The following ZNF69 variants were observed in gnomAD, a reference collection of about 807,000 sequenced individuals.
The protein encoded by ZNF69 is zinc finger protein 69, also known as ZNF3.
In ZNF69, 47 loss-of-function variants were observed where a neutral mutation model predicts 50.9. That is an observed-to-expected ratio of 0.92 (90% CI 0.73 to 1.18). ZNF69 has a LOEUF of 1.18. Ranked by LOEUF, ZNF69 falls within the 50% of genes most tolerant of loss-of-function variation. The pLI, the probability that ZNF69 is intolerant of heterozygous loss-of-function variation, is 0.00. For synonymous variants in ZNF69, 216 were observed against 223.1 expected, an observed-to-expected ratio of 0.97 and a Z score of 0.29; for missense variants, 717 against 675.1, an observed-to-expected ratio of 1.06 and a Z score of -0.69.
chr19:11,968,539 G>A, the ZNF69 span, among the ~76,000 whole-genome samples: 7 of 152,190 alleles, frequency 4.6e-5, no homozygotes, highest in Non-Finnish European at 1.5e-5. Context: ...AATGCATGTG[G>A]ATAACAACTT....
At chr19:11,950,294 G>A in the ZNF69 span, 2 of 1,572,480 alleles carry the variant, frequency 1.3e-6, no homozygotes, top group Non-Finnish European at 1.7e-6. Context: ...CACACTGGAA[G>A]GAAGCACTAT....
At chr19:11,932,312 C>G in the ZNF69 span, among the ~76,000 whole-genome samples, 1 of 147,002 alleles carries the variant, frequency 6.8e-6, no homozygotes, top group Non-Finnish European at 1.5e-5. Flanking sequence ...CCACTACACT[C>G]CAGCCTGGGT....
chr19:11,958,131 A>T, the ZNF69 span, among the ~76,000 whole-genome samples: 5 of 152,034 alleles, frequency 3.3e-5, no homozygotes, highest in African/African-American at 1.2e-4. Context: ...TTGCCCACCC[A>T]CCCCCATCTC....
the ZNF69 span, among the ~76,000 whole-genome samples, chr19:11,967,703 C>T: frequency 2.6e-5 from 4 of 152,192 alleles, no homozygotes; most frequent in South Asian, 6.2e-4. Flanking sequence ...ATGTCCGGCC[C>T]CTGTCTCTAT....
At chr19:11,917,545 G>T (rs1189306830), downstream of ZNF69, among the ~76,000 whole-genome samples, 2 of 152,212 alleles carry the variant, frequency 1.3e-5, no homozygotes, top group South Asian at 2.1e-4. Context: ...GGTGAGGCAG[G>T]CTGCCTACCT....
Position 11,905,405 on chromosome 19 carries a change from G to A in ZNF69, c.1008G>A (p.Gln336=), listed in dbSNP as rs764249503. ...GGAAAAAACCCTATGAATGTACGCAGTGTGGGAAAGCATTATCCTCTCTTA... is the reference window on the plus strand; with the variant it reads ...GGAAAAAACCCTATGAATGTACGCAATGTGGGAAAGCATTATCCTCTCTTA... ...HSRKKPYECT[Q]CGKALSSLTS... Residue 336 remains glutamine (Q), a synonymous_variant, in exon 4 of 4, where the codon CAG becomes CAA. Coordinates refer to ENST00000429654, the MANE Select transcript of ZNF69 (RefSeq NM_001364730.1). The A allele has an allele frequency of 1.2e-6, 2 of 1,614,178 alleles. No individual in the cohort carries two copies. The highest frequency in any genetic ancestry group is 2.2e-5 in the East Asian group (1 of 44,884).
the ZNF69 span, among the ~76,000 whole-genome samples, chr19:11,969,424 G>C: frequency 6.6e-6 from 1 of 152,118 alleles, no homozygotes; most frequent in Non-Finnish European, 1.5e-5. Flanking sequence ...TGTTCACACA[G>C]CCTATATAGG....
chr19:11,904,628 T>A, intron 3 of ZNF69, 21 bp from the exon 4 acceptor site: 6 of 1,605,178 alleles, frequency 3.7e-6, no homozygotes, highest in Non-Finnish European at 5.1e-6. Flanking sequence ...CCCTTTGTAA[T>A]GTGCTTCTCA....
the ZNF69 span, among the ~76,000 whole-genome samples, chr19:11,959,048 C>T: frequency 7.2e-4 from 110 of 152,152 alleles, no homozygotes; most frequent in Non-Finnish European, 4.1e-4. Context: ...ACACCTTGCT[C>T]ATTTTTGTGT....
chr19:11,949,769 A>G, the ZNF69 span: 3 of 1,614,096 alleles, frequency 1.9e-6, no homozygotes, highest in East Asian at 2.2e-5. Flanking sequence ...CTTCGAATGC[A>G]TGAAAGGACT....
At chr19:11,949,515 A>G in the ZNF69 span, 1 of 1,610,502 alleles carries the variant, frequency 6.2e-7, no homozygotes, top group Non-Finnish European at 8.5e-7. Context: ...GGACAGAAAA[A>G]CACATAAGAA....
At chr19:11,919,690 C>T in the ZNF69 span, among the ~76,000 whole-genome samples, 1 of 152,096 alleles carries the variant, frequency 6.6e-6, no homozygotes, top group African/African-American at 2.4e-5. Context: ...GGAGGGCTCT[C>T]ACAATGGGAT....
the ZNF69 span, chr19:11,977,281 A>G: frequency 6.2e-7 from 1 of 1,604,154 alleles, no homozygotes; most frequent in Non-Finnish European, 8.5e-7. Flanking sequence ...TAAATGAGGC[A>G]TGGCTGCAGT....
the ZNF69 span, among the ~76,000 whole-genome samples, chr19:11,929,363 C>A: frequency 6.8e-6 from 1 of 148,008 alleles, no homozygotes; most frequent in African/African-American, 2.6e-5. Context: ...AGGGTTTTAC[C>A]ACACTGGCCA....
At position 11,887,946 on chromosome 19, in the gene ZNF69, G is replaced by A. The variant is rs750355288; in HGVS notation, c.23G>A (p.Arg8Lys). The A allele has an allele frequency of 6.2e-7, 1 of 1,612,700 alleles. No individual in the cohort carries two copies. Residue 8 changes from arginine to lysine, a missense_variant, in exon 1 of 4, where the codon AGG becomes AAG. Coordinates refer to ENST00000429654, the MANE Select transcript of ZNF69 (RefSeq NM_001364730.1). The part of the protein sequence containing the change: MPCCSHR[R>K]CREDPGTSES... ...GCTATGCCCTGCTGTAGTCACAGGA[G>A]GTGTAGAGAGGACCCCGGGACATCT...
At chr19:11,911,794 A>G (rs1972462170) in intron 4 of ZNF69, among the ~76,000 whole-genome samples, 1 of 152,200 alleles carries the variant, frequency 6.6e-6, no homozygotes, top group Admixed American at 6.5e-5. Flanking sequence ...CATTGTGCAC[A>G]TGTACCCTAG....
chr19:11,904,712 C>T lies in ZNF69; in HGVS notation c.315C>T (p.Thr105=), dbSNP rs1972323174. 2 of 1,613,824 alleles carry T rather than the reference C, an allele frequency of 1.2e-6. No homozygotes were observed. The highest frequency in any genetic ancestry group is 4.5e-5 in the East Asian group (2 of 44,872). ...KDDSHCGETF[T]QVPDDRLNFQ... ...ACAGTCATTGTGGAGAAACTTTTAC[C>T]CAGGTTCCAGATGACAGGCTGAACT... is the stretch of plus-strand genomic sequence containing the variant. Residue 105 remains threonine, a synonymous_variant, in exon 4 of 4, where the codon ACC becomes ACT. Coordinates refer to ENST00000429654, the MANE Select transcript of ZNF69 (RefSeq NM_001364730.1).
the ZNF69 span, among the ~76,000 whole-genome samples, chr19:11,951,637 A>C: frequency 6.6e-6 from 1 of 152,158 alleles, no homozygotes; most frequent in Non-Finnish European, 1.5e-5. Flanking sequence ...GCAAGGGTGT[A>C]ATATACTGTA....
chr19:11,901,447 G>C (rs1347468640), intron 1 of ZNF69, among the ~76,000 whole-genome samples: 1 of 152,116 alleles, frequency 6.6e-6, no homozygotes, highest in Non-Finnish European at 1.5e-5. Context: ...AATTGGTTAA[G>C]GCTTGTCAGA....
Sources: allele counts gnomAD v4.1 joint callset (sites outside exome capture counted in the v4.1 genomes callset), GRCh38; gene constraint gnomAD v4.1.1; transcripts MANE v1.5; gene names NCBI Gene and HGNC (gene_info 2026-07-23, HGNC 2026-07-21).